Variants in SPATA17 observed in about 807,000 individuals in gnomAD.
SPATA17 encodes spermatogenesis associated 17.
SPATA17 carries 53 observed loss-of-function variants against 62.2 expected under a neutral mutation model. The ratio of observed to expected loss-of-function variants is 0.85; its 90% CI spans 0.68 to 1.07. The LOEUF (loss-of-function observed/expected upper bound fraction) is 1.07, where lower values mean the gene tolerates loss of function less well. Ranked by LOEUF, SPATA17 falls within the 50% of genes least tolerant of loss-of-function variation. SPATA17 has a pLI of 0.00. For missense variants in SPATA17, 466 were observed against 425.5 expected (o/e 1.10, Z -0.84); for synonymous variants, 146 against 146.8 (o/e 0.99, Z 0.04).
chr1:217,650,980 G>C (rs1670299530), intron 2 of SPATA17, 117 bp from the exon 3 acceptor site: 1 of 711,626 alleles, frequency 1.4e-6, no homozygotes. Flanking sequence ...GTTTAAAAGT[G>C]CACATAAACT....
intron 6 of SPATA17, 120 bp downstream of exon 6, chr1:217,742,218 C>G (rs772399864): frequency 3.8e-6 from 5 of 1,318,110 alleles, no homozygotes; most frequent in Admixed American, 2.2e-5. Flanking sequence ...GACACTACTT[C>G]GAGTTCAATT....
At chr1:217,743,238 A>G (rs896160762) in intron 6 of SPATA17, among the ~76,000 whole-genome samples, 12 of 152,202 alleles carry the variant, frequency 7.9e-5, no homozygotes, top group Admixed American at 2.0e-4. Flanking sequence ...GCAATAATTA[A>G]AAGATACTTT....
intron 6 of SPATA17, among the ~76,000 whole-genome samples, chr1:217,770,790 G>A (rs920018521): frequency 6.6e-6 from 1 of 151,954 alleles, no homozygotes; most frequent in South Asian, 2.1e-4. Flanking sequence ...CCAATTGATA[G>A]ATTATTAGAA....
At chr1:217,720,243 T>G (rs1298182340) in intron 5 of SPATA17, among the ~76,000 whole-genome samples, 1 of 152,140 alleles carries the variant, frequency 6.6e-6, no homozygotes, top group African/African-American at 2.4e-5. Context: ...TATTTGAAAC[T>G]GAGAGCTAAA....
intron 3 of SPATA17, among the ~76,000 whole-genome samples, chr1:217,656,114 C>T (rs569828390): frequency 6.6e-6 from 1 of 152,038 alleles, no homozygotes; most frequent in East Asian, 1.9e-4. Flanking sequence ...GAACTCCTGA[C>T]CTCAGATGAT....
At chr1:217,743,249 TA>T (rs1672667880) in intron 6 of SPATA17, among the ~76,000 whole-genome samples, 1 of 152,042 alleles carries the variant, frequency 6.6e-6, no homozygotes, top group African/African-American at 2.4e-5. Flanking sequence ...AAGATACTTT[TA>T]AAAATTAAAA....
In SPATA17 at chr1:217,724,665, A is replaced by G. The variant is rs140968658; in HGVS notation, c.396-17310A>G. Among the ~76,000 whole-genome samples, 202 of 152,250 alleles carry G rather than the reference A, an allele frequency of 1.3e-3. 2 individuals are homozygous for G. In the Middle Eastern group the frequency reaches 0.014, roughly 10 times the overall value. The stretch of plus-strand genomic sequence containing the variant: ...AATATCAATTTGTACTTCTACCAAC[A>G]GTGCACAAAAATTCCTGTTTCTTTA... On this transcript the variant is annotated intron_variant, in intron 5 of 10. Transcript: ENST00000366933.
At chr1:217,715,003 G>A (rs1671970163) in intron 5 of SPATA17, among the ~76,000 whole-genome samples, 1 of 152,076 alleles carries the variant, frequency 6.6e-6, no homozygotes, top group South Asian at 2.1e-4. Context: ...TATTTATGAT[G>A]AAACTAAAGT....
At chr1:217,833,589 T>G (rs1490517419) in intron 9 of SPATA17, among the ~76,000 whole-genome samples, 1 of 152,188 alleles carries the variant, frequency 6.6e-6, no homozygotes, top group Admixed American at 6.6e-5. Context: ...TGGAAATCTT[T>G]TTGCCGACTT....
chr1:217,696,415 C>A (rs1393471493), intron 5 of SPATA17, among the ~76,000 whole-genome samples: 3 of 152,148 alleles, frequency 2.0e-5, no homozygotes, highest in Admixed American at 1.3e-4. Flanking sequence ...TGAGATGAAC[C>A]CGGTACCTCA....
intron 6 of SPATA17, among the ~76,000 whole-genome samples, chr1:217,753,092 A>G (rs906809345): frequency 3.9e-5 from 6 of 152,174 alleles, no homozygotes; most frequent in Non-Finnish European, 8.8e-5. Flanking sequence ...GTCAGAGTAT[A>G]AAGAGACAGT....
chr1:217,738,695 C>T (rs11585240), intron 5 of SPATA17, among the ~76,000 whole-genome samples: 69,855 of 152,140 alleles, frequency 0.46, 17,536 homozygotes, highest in Non-Finnish European at 0.58. Context: ...CTCACGCCTG[C>T]AATCCCAACA....
At chr1:217,808,864 A>G (rs1045106541) in intron 9 of SPATA17, among the ~76,000 whole-genome samples, 8 of 152,166 alleles carry the variant, frequency 5.3e-5, no homozygotes, top group Admixed American at 2.0e-4. Context: ...AAAAAAAAAA[A>G]AAAAGTAAAA....
At chr1:217,664,369 A>T (rs1466589759) in intron 3 of SPATA17, among the ~76,000 whole-genome samples, 4 of 149,642 alleles carry the variant, frequency 2.7e-5, no homozygotes, top group Non-Finnish European at 5.9e-5. Flanking sequence ...TGCTCCCTAC[A>T]ACCTCTGCCT....
intron 9 of SPATA17, among the ~76,000 whole-genome samples, chr1:217,859,444 G>A (rs1246706536): frequency 6.6e-6 from 1 of 151,920 alleles, no homozygotes; most frequent in Non-Finnish European, 1.5e-5. Context: ...GAGGAACTCT[G>A]TCATCCATCC....
chr1:217,746,199 C>T (rs12751455), intron 6 of SPATA17, among the ~76,000 whole-genome samples: 31,064 of 151,770 alleles, frequency 0.2, 3,730 homozygotes, highest in East Asian at 0.54. Context: ...TCAATTTTAA[C>T]GTTCAATGCT....
At chr1:217,832,993 A>G (rs1375765547) in intron 9 of SPATA17, among the ~76,000 whole-genome samples, 1 of 152,064 alleles carries the variant, frequency 6.6e-6, no homozygotes, top group Non-Finnish European at 1.5e-5. Flanking sequence ...TCTGCTGTTG[A>G]GTACTTATAA....
intron 5 of SPATA17, among the ~76,000 whole-genome samples, chr1:217,719,575 A>G (rs1193203423): frequency 1.3e-5 from 2 of 152,236 alleles, no homozygotes; most frequent in African/African-American, 4.8e-5. Flanking sequence ...GTTGTTGGAT[A>G]TTGTATCAGT....
intron 5 of SPATA17, among the ~76,000 whole-genome samples, chr1:217,708,742 C>T (rs1671793566): frequency 1.3e-5 from 2 of 151,918 alleles, no homozygotes. Context: ...AAAAAAACTT[C>T]AGGCCGATAT....
Sources: gnomAD v4.1 joint callset for allele counts (sites outside exome capture counted in the v4.1 genomes callset) on GRCh38, gnomAD v4.1.1 for gene constraint, MANE v1.5 for transcripts, NCBI Gene and HGNC (gene_info 2026-07-23, HGNC 2026-07-21) for gene names.